Variants in SMARCA2 observed in about 807,000 individuals in gnomAD.
SMARCA2 encodes the protein SWI/SNF-related matrix-associated actin-dependent regulator of chromatin subfamily A member 2.
In SMARCA2, 61 loss-of-function variants were observed where a neutral mutation model predicts 199.8. The ratio of observed to expected loss-of-function variants is 0.31; its 90% CI spans 0.25 to 0.38. The LOEUF is 0.38. SMARCA2 is among the 10% of genes least tolerant of loss of function. The pLI, the probability that SMARCA2 is intolerant of heterozygous loss-of-function variation, is 1.00. For synonymous variants in SMARCA2, 935 were observed against 732.0 expected, an observed-to-expected ratio of 1.28 and a Z score of -4.48; for missense variants, 1,344 against 2,012.2, an observed-to-expected ratio of 0.67 and a Z score of 6.35.
chr9:2,053,977 T>A (rs1224997341), intron 5 of SMARCA2, among the ~76,000 whole-genome samples: 1 of 152,230 alleles, frequency 6.6e-6, no homozygotes, highest in Non-Finnish European at 1.5e-5. Context: ...CTGATTTTTT[T>A]AAAACAGCCT....
At chr9:2,180,706 T>C (rs1826962740) in intron 29 of SMARCA2, among the ~76,000 whole-genome samples, 1 of 152,244 alleles carries the variant, frequency 6.6e-6, no homozygotes, top group South Asian at 2.1e-4. Flanking sequence ...GTGAATCTCT[T>C]TGTGCCTTTA....
At chr9:2,134,764 G>A (rs1045056368) in intron 27 of SMARCA2, among the ~76,000 whole-genome samples, 3 of 152,086 alleles carry the variant, frequency 2.0e-5, no homozygotes, top group African/African-American at 7.2e-5. Flanking sequence ...TATATCATGA[G>A]AGCCCTCATG....
chr9:2,106,418 T>A (rs1325887864), intron 23 of SMARCA2, among the ~76,000 whole-genome samples: 1 of 152,216 alleles, frequency 6.6e-6, no homozygotes, highest in Non-Finnish European at 1.5e-5. Context: ...TCAGAGTCCT[T>A]ACCATTAGGT....
rs1368737012 is a variant in SMARCA2, at chr9:2,097,367, C to G, written c.2992-18C>G. On this transcript the variant is annotated intron_variant, in intron 20 of 33. Coordinates refer to ENST00000349721, the MANE Select transcript of SMARCA2 (RefSeq NM_003070.5). ...AGTTAATAATTAATTCTATTTTTCC[C>G]TTTCCACTGGTTCTTAGGGGAAAGG... The G allele has an allele frequency of 1.3e-6, 2 of 1,525,342 alleles. No homozygotes were observed. Among genetic ancestry groups the G allele is most frequent in the Admixed American group, 3.4e-5 (2 of 58,684 alleles). The allele number at this position is 1,525,342 out of a possible 1,614,324, so 94.5% of individuals were successfully genotyped here.
chr9:2,093,436 C>T (rs1822146013), intron 19 of SMARCA2, among the ~76,000 whole-genome samples: 1 of 152,140 alleles, frequency 6.6e-6, no homozygotes, highest in South Asian at 2.1e-4. Context: ...TGGGAGTACA[C>T]TGTGTAGGTT....
chr9:2,162,257 T>C (rs1203132405), intron 28 of SMARCA2, among the ~76,000 whole-genome samples: 1 of 152,196 alleles, frequency 6.6e-6, no homozygotes, highest in Non-Finnish European at 1.5e-5. Context: ...TTTAATTGAA[T>C]TGTTAGAGAA....
chr9:2,146,201 G>A (rs1476035018), intron 27 of SMARCA2, among the ~76,000 whole-genome samples: 1 of 152,144 alleles, frequency 6.6e-6, no homozygotes, highest in East Asian at 1.9e-4. Context: ...GTCCTCACAT[G>A]GTAGAAGGGA....
chr9:2,149,147 A>G (rs2130713050), intron 27 of SMARCA2, among the ~76,000 whole-genome samples: 1 of 151,400 alleles, frequency 6.6e-6, no homozygotes, highest in East Asian at 1.9e-4. Context: ...ATGGCTGGGG[A>G]GGCCTCAGAA....
At chr9:2,174,882 G>C (rs1439195678) in intron 29 of SMARCA2, among the ~76,000 whole-genome samples, 7 of 127,432 alleles carry the variant, frequency 5.5e-5, no homozygotes, top group African/African-American at 1.5e-4. Flanking sequence ...CCCTGATCGT[G>C]CTACTGCAGT....
intron 27 of SMARCA2, chr9:2,159,819 G>A (rs1470051536): frequency 6.2e-7 from 1 of 1,611,040 alleles, no homozygotes; most frequent in South Asian, 1.1e-5. Flanking sequence ...ATCAGCTGAT[G>A]AAGAGACTAG....
chr9:2,021,208 GC>G (rs1818585622), intron 1 of SMARCA2, among the ~76,000 whole-genome samples: 1 of 151,956 alleles, frequency 6.6e-6, no homozygotes, highest in Non-Finnish European at 1.5e-5. Context: ...ATATGGGCTG[GC>G]CCTTTTGTAA....
chr9:2,045,714 C>G (rs567621819), intron 4 of SMARCA2: 3 of 151,296 alleles, frequency 2.0e-5, no homozygotes, highest in African/African-American at 7.3e-5. Flanking sequence ...TCTCATCAAC[C>G]CCGAGAACCA....
intron 31 of SMARCA2, among the ~76,000 whole-genome samples, chr9:2,185,156 T>C (rs1218082269): frequency 6.6e-6 from 1 of 152,198 alleles, no homozygotes; most frequent in African/African-American, 2.4e-5. Flanking sequence ...ACTCTGAAAC[T>C]GCGTGCCTAC....
Position 2,039,761 on chromosome 9 carries a change from A to ACAACAGCAGCAGCAACAGCAGCAGCAG in SMARCA2, c.654_680dup (p.Gln230_Gln238dup). ...AAAGGACGTTGCCTGGCTTGCAGCA[A>ACAACAGCAGCAGCAACAGCAGCAGCAG]CAACAGCAGCAGCAACAGCAGCAGC... On this transcript the variant is annotated inframe_insertion, in exon 4 of 34. Coordinates refer to ENST00000349721, the MANE Select transcript of SMARCA2 (RefSeq NM_003070.5). This position sits in a 1 kb window ranked among gnomAD's most constrained non-coding sequence, Gnocchi z 4.8. 1 of 1,610,500 alleles carries ACAACAGCAGCAGCAACAGCAGCAGCAG rather than the reference A, an allele frequency of 6.2e-7. No individual in the cohort carries two copies.
intron 10 of SMARCA2, chr9:2,072,104 C>T (rs548021292): frequency 2.6e-5 from 4 of 152,230 alleles, no homozygotes; most frequent in Non-Finnish European, 5.9e-5. Context: ...TTTTGGTCAT[C>T]TCCTGTAAGA....
chr9:2,180,932 T>C lies in SMARCA2; in HGVS notation c.4254-639T>C, dbSNP rs142680387. On this transcript the variant is annotated intron_variant, in intron 29 of 33. Transcript: ENST00000349721. The stretch of plus-strand genomic sequence containing the variant: ...TGTTCTTCTTTCACCCAAATTGCTC[T>C]ACACACACACAATGGCAGTTAGGCA... Among the ~76,000 whole-genome samples, 956 of 152,260 alleles carry C rather than the reference T, an allele frequency of 6.3e-3. 6 individuals are homozygous for C. The highest frequency in any genetic ancestry group is 0.021 in the African/African-American group (883 of 41,548).
chr9:2,061,320 T>G (rs1195694620), intron 9 of SMARCA2, among the ~76,000 whole-genome samples: 1 of 152,066 alleles, frequency 6.6e-6, no homozygotes, highest in Non-Finnish European at 1.5e-5. Context: ...AATGCTAGGG[T>G]GGCAGGGGAT....
intron 28 of SMARCA2, chr9:2,162,642 T>C (rs1825741826): frequency 6.6e-6 from 1 of 152,256 alleles, no homozygotes. Context: ...GTAATGTTTT[T>C]ATTTGAAGAT....
rs776394320 is a variant in SMARCA2 at position 2,170,445 on chromosome 9, A to G, written c.4226A>G (p.Asn1409Ser). Residue 1409 changes from asparagine to serine, a missense_variant, in exon 29 of 34, where the codon AAT becomes AGT. Asn to Ser is a conservative substitution (Grantham distance 46). Coordinates refer to ENST00000349721, the MANE Select transcript of SMARCA2 (RefSeq NM_003070.5). This position sits in a 1 kb window ranked among gnomAD's most constrained non-coding sequence, Gnocchi z 4.7. ...DRCNVEKVPS[N>S]SQLEIEGNSS... ...TGTAACGTGGAGAAGGTGCCCAGTAATTCTCAGTTGGAAATAGAAGGAAAC... is the reference window on the plus strand; with the variant it reads ...TGTAACGTGGAGAAGGTGCCCAGTAGTTCTCAGTTGGAAATAGAAGGAAAC... 2 of 1,613,990 alleles carry G rather than the reference A, an allele frequency of 1.2e-6. No individual in the cohort carries two copies. The highest frequency in any genetic ancestry group is 3.3e-5 in the Admixed American group (2 of 59,992).
Sources: gnomAD v4.1 joint callset for allele counts (sites outside exome capture counted in the v4.1 genomes callset) on GRCh38, gnomAD v4.1.1 for gene constraint, Gnocchi (gnomAD v3.1) non-coding constraint, MANE v1.5 for transcripts, NCBI Gene and HGNC (gene_info 2026-07-23, HGNC 2026-07-21) for gene names.